PBRM1: variants seen among roughly 807,000 people sequenced by gnomAD.
The protein encoded by PBRM1 is polybromo 1.
A neutral mutation model predicts 194.5 loss-of-function variants in PBRM1; 27 were observed. The ratio of observed to expected loss-of-function variants is 0.14; its 90% confidence interval spans 0.10 to 0.19. The LOEUF (loss-of-function observed/expected upper bound fraction) is 0.19. PBRM1 is among the 10% of genes least tolerant of loss of function. The pLI, the probability that PBRM1 is intolerant of heterozygous loss-of-function variation, is 1.00. For synonymous variants in PBRM1, 655 were observed against 693.2 expected (o/e 0.94, Z 0.87); for missense variants, 1,466 against 2,077.2 (o/e 0.71, Z 5.72).
chr3:52,663,060 A>C (rs1217855647), intron 3 of PBRM1, among the ~76,000 whole-genome samples: 1 of 152,200 alleles, frequency 6.6e-6, no homozygotes, highest in East Asian at 1.9e-4. Context: ...ACAACGTTGG[A>C]TGCAATGTTC....
In PBRM1 at chr3:52,628,883, A is replaced by G; in HGVS notation, c.1443+11T>C. On this transcript the variant is annotated intron_variant, in intron 12 of 29. Coordinates refer to ENST00000296302, the Ensembl canonical transcript of PBRM1. ...ATATACAACAAACTCAGCAAAAACA[A>G]TAAATCACACCTGCATAACTTGCTG... The G allele has an allele frequency of 1.2e-6, 2 of 1,613,134 alleles. No homozygotes were observed. Among genetic ancestry groups the G allele is most frequent in the Non-Finnish European group, 8.5e-7 (1 of 1,179,410 alleles).
chr3:52,581,239 G>A lies in PBRM1; in HGVS notation c.3388-2040C>T, dbSNP rs2091085961. ...TAAGAATGAGGGAAGGCCGGGAGTG[G>A]TGGCTTACGCCTGTAATCCCAGCAC... On this transcript the variant is annotated intron_variant, in intron 20 of 29. Transcript: ENST00000296302. 2.0e-5 allele frequency among the ~76,000 whole-genome samples: 3 copies of A among 152,318 alleles called. No individual in the cohort carries two copies. The South Asian group carries it at 6.2e-4, about 32-fold the overall frequency.
At chr3:52,608,421 C>T (rs1352621311) in intron 16 of PBRM1, among the ~76,000 whole-genome samples, 1 of 152,126 alleles carries the variant, frequency 6.6e-6, no homozygotes, top group Non-Finnish European at 1.5e-5. Flanking sequence ...TGGTGCTTTA[C>T]GAAGAGCTGG....
intron 29 of PBRM1, 84 bp downstream of exon 31, chr3:52,550,337 T>C (rs2080628117): frequency 1.8e-5 from 10 of 547,152 alleles, no homozygotes; most frequent in Non-Finnish European, 3.0e-5. Context: ...GGGGTGTTTA[T>C]TGTATGATAT....
chr3:52,583,427 A>G (rs1367642867), intron 20 of PBRM1, among the ~76,000 whole-genome samples: 1 of 152,104 alleles, frequency 6.6e-6, no homozygotes, highest in East Asian at 1.9e-4. Flanking sequence ...CAAAAAAAAA[A>G]ACACCAATAG....
intron 2 of PBRM1, among the ~76,000 whole-genome samples, chr3:52,677,889 T>C (rs1428948706): frequency 6.6e-6 from 1 of 152,124 alleles, no homozygotes; most frequent in Non-Finnish European, 1.5e-5. Flanking sequence ...TATTTATTTT[T>C]AGGCAAGCTC....
At chr3:52,644,737 T>C (rs780700287) in exon 8 of PBRM1, 3 of 1,564,298 alleles carry the variant, frequency 1.9e-6, no homozygotes, top group Admixed American at 1.7e-5. Flanking sequence ...CATTTCATGA[T>C]GTTCAATTTC....
chr3:52,668,429 A>G (rs1281334765), intron 3 of PBRM1, 69 bp downstream of exon 4: 1 of 1,170,430 alleles, frequency 8.5e-7, no homozygotes, highest in Non-Finnish European at 1.2e-6. Flanking sequence ...AGGTTTATAA[A>G]TATTAAGAAG....
At chr3:52,651,894 G>T in intron 5 of PBRM1, 84 bp from the exon 7 acceptor site, 1 of 868,186 alleles carries the variant, frequency 1.2e-6, no homozygotes, top group Non-Finnish European at 1.8e-6. Flanking sequence ...ACAATCTGTT[G>T]TTCAAACAAC....
chr3:52,611,023 C>T (rs2094579204), intron 15 of PBRM1, among the ~76,000 whole-genome samples: 1 of 152,090 alleles, frequency 6.6e-6, no homozygotes, highest in African/African-American at 2.4e-5. Context: ...TACAACTCAG[C>T]CATATGTTTA....
At chr3:52,629,489 GAC>G in intron 11 of PBRM1, among the ~76,000 whole-genome samples, 2 of 152,316 alleles carry the variant, frequency 1.3e-5, no homozygotes, top group Admixed American at 1.3e-4. Flanking sequence ...GGGTTAAAGA[GAC>G]AGTACTGACA....
chr3:52,674,269 G>A (rs1431363274), intron 2 of PBRM1, among the ~76,000 whole-genome samples: 1 of 151,442 alleles, frequency 6.6e-6, no homozygotes, highest in African/African-American at 2.4e-5. Flanking sequence ...ATCACCTAAG[G>A]TCGGGAGTTT....
intron 22 of PBRM1, among the ~76,000 whole-genome samples, chr3:52,568,632 T>A (rs1424089485): frequency 1.3e-5 from 2 of 152,220 alleles, no homozygotes; most frequent in African/African-American, 4.8e-5. Flanking sequence ...ATCCTGAAGT[T>A]AAGATGTGGG....
chr3:52,684,022 G>C (rs977773735), upstream of PBRM1, among the ~76,000 whole-genome samples: 2 of 151,898 alleles, frequency 1.3e-5, no homozygotes, highest in African/African-American at 4.8e-5. Flanking sequence ...ATTAAAATTA[G>C]CTGGGTGTGG....
chr3:52,584,109 T>C (rs573520185), intron 20 of PBRM1, among the ~76,000 whole-genome samples: 2 of 152,298 alleles, frequency 1.3e-5, no homozygotes, highest in Admixed American at 6.5e-5. Flanking sequence ...ACATATTTAT[T>C]CTTAATAAGA....
Position 52,614,834 on chromosome 3 carries a change from G to A in PBRM1, c.1924+517C>T, listed in dbSNP as rs988422452. On this transcript the variant is annotated intron_variant, in intron 15 of 29. Coordinates refer to ENST00000296302, the Ensembl canonical transcript of PBRM1. ...GATCTGCCCACCTCAGCCTCTCAAAGTGTTGGGATTACAGGCATGAGTCAC... is the reference window on the plus strand; with the variant it reads ...GATCTGCCCACCTCAGCCTCTCAAAATGTTGGGATTACAGGCATGAGTCAC... Among the ~76,000 whole-genome samples the A allele has an allele frequency of 2.6e-5, 4 of 152,060 alleles. No homozygotes were observed. The South Asian group carries it at 6.2e-4, about 24-fold the overall frequency.
At chr3:52,565,913 G>T (rs1007906260) in intron 22 of PBRM1, among the ~76,000 whole-genome samples, 1 of 152,080 alleles carries the variant, frequency 6.6e-6, no homozygotes, top group Non-Finnish European at 1.5e-5. Flanking sequence ...AGCGGGGTGT[G>T]GTTGCAGGCG....
At chr3:52,626,979 AT>A (rs1372507648) in intron 13 of PBRM1, among the ~76,000 whole-genome samples, 1 of 147,176 alleles carries the variant, frequency 6.8e-6, no homozygotes, top group African/African-American at 2.5e-5. Flanking sequence ...TTTAAGTGGC[AT>A]TCTTAAAATG....
chr3:52,654,191 G>A (rs1045737501), intron 5 of PBRM1, among the ~76,000 whole-genome samples: 7 of 152,154 alleles, frequency 4.6e-5, no homozygotes, highest in African/African-American at 1.2e-4. Context: ...TGAAGCCCAC[G>A]CAGCAACAAC....
Sources: gnomAD v4.1 joint callset for allele counts (sites outside exome capture counted in the v4.1 genomes callset) on GRCh38, gnomAD v4.1.1 for gene constraint, MANE v1.5 for transcripts, NCBI Gene and HGNC (gene_info 2026-07-23, HGNC 2026-07-21) for gene names.